GAP43: variants seen among roughly 807,000 people sequenced by gnomAD.
The protein encoded by GAP43 is neuromodulin.
A neutral mutation model predicts 18.6 loss-of-function variants in GAP43; 6 were observed. That is an observed-to-expected ratio of 0.32 (90% confidence interval 0.18 to 0.64). GAP43 has a LOEUF of 0.64. Among genes scored for constraint, GAP43 ranks in the 30% least tolerant of loss-of-function variants. The probability of loss-of-function intolerance (pLI) is 0.78; values close to 1 mark genes in which losing one functional copy is unlikely to be tolerated. For missense variants in GAP43, 292 were observed against 295.5 expected, an observed-to-expected ratio of 0.99 and a Z score of 0.09; for synonymous variants, 115 against 111.4, an observed-to-expected ratio of 1.03 and a Z score of -0.20.
intron 1 of GAP43, among the ~76,000 whole-genome samples, chr3:115,636,232 A>G (rs1198421999): frequency 6.6e-6 from 1 of 151,898 alleles, no homozygotes; most frequent in Non-Finnish European, 1.5e-5. Flanking sequence ...TAGACTTTCT[A>G]CTCCCCTACT....
intron 2 of GAP43, among the ~76,000 whole-genome samples, chr3:115,719,225 G>C (rs565056741): frequency 6.6e-6 from 1 of 151,878 alleles, no homozygotes; most frequent in Admixed American, 6.6e-5. Flanking sequence ...AATAACAATA[G>C]CTCCATTTTA....
chr3:115,703,918 TA>T (rs1248834268), intron 2 of GAP43, among the ~76,000 whole-genome samples: 6 of 152,010 alleles, frequency 3.9e-5, no homozygotes, highest in African/African-American at 1.4e-4. Flanking sequence ...GACTGAAAAA[TA>T]AAAAATCAGT....
chr3:115,659,593 A>G (rs1708630787), intron 1 of GAP43, among the ~76,000 whole-genome samples: 1 of 151,644 alleles, frequency 6.6e-6, no homozygotes, highest in African/African-American at 2.4e-5. Context: ...ACATGAAAGG[A>G]GAGCGAAAAA....
chr3:115,633,134 CA>C (rs1486012723), intron 1 of GAP43, among the ~76,000 whole-genome samples: 1 of 151,636 alleles, frequency 6.6e-6, no homozygotes, highest in Non-Finnish European at 1.5e-5. Flanking sequence ...GGCCCTGCAT[CA>C]AAAAAGACTC....
At chr3:115,688,029 A>ATTTT (rs1439287488) in intron 2 of GAP43, among the ~76,000 whole-genome samples, 1 of 151,628 alleles carries the variant, frequency 6.6e-6, no homozygotes, top group Non-Finnish European at 1.5e-5. Context: ...TTATTTATTT[A>ATTTT]TGTTTGAGAT....
intron 1 of GAP43, among the ~76,000 whole-genome samples, chr3:115,634,673 T>C (rs1389823517): frequency 3.3e-5 from 5 of 151,898 alleles, no homozygotes; most frequent in African/African-American, 1.2e-4. Flanking sequence ...TGAAGGCTGA[T>C]GAGGAAGGAT....
intron 1 of GAP43, among the ~76,000 whole-genome samples, chr3:115,671,978 A>G (rs1370369019): frequency 6.6e-6 from 1 of 152,242 alleles, no homozygotes; most frequent in Non-Finnish European, 1.5e-5. Flanking sequence ...GGGTAGACAC[A>G]GTATCCTTCC....
chr3:115,677,372 T>A (rs1349933025), intron 2 of GAP43, among the ~76,000 whole-genome samples: 1 of 152,234 alleles, frequency 6.6e-6, no homozygotes, highest in East Asian at 1.9e-4. Flanking sequence ...TGAGGGTTCC[T>A]ATGATTACAA....
intron 2 of GAP43, among the ~76,000 whole-genome samples, chr3:115,698,149 T>A (rs71616168): frequency 0.49 from 6,329 of 12,964 alleles, 989 homozygotes; most frequent in Non-Finnish European, 0.57. Flanking sequence ...TAATATATAT[T>A]ATATATAATA....
intron 1 of GAP43, among the ~76,000 whole-genome samples, chr3:115,652,982 G>C (rs1306314616): frequency 6.6e-6 from 1 of 152,140 alleles, no homozygotes; most frequent in African/African-American, 2.4e-5. Context: ...GAAGTTACCA[G>C]CCAAAGAAAT....
At chr3:115,668,066 G>A (rs1708755791) in intron 1 of GAP43, among the ~76,000 whole-genome samples, 1 of 152,204 alleles carries the variant, frequency 6.6e-6, no homozygotes, top group Non-Finnish European at 1.5e-5. Flanking sequence ...GAGTAGAGAT[G>A]CTTCCTCCCA....
At chr3:115,654,170 T>G (rs1211822317) in intron 1 of GAP43, among the ~76,000 whole-genome samples, 1 of 152,180 alleles carries the variant, frequency 6.6e-6, no homozygotes, top group African/African-American at 2.4e-5. Flanking sequence ...TCACTTTAAT[T>G]TATCAGTTGG....
chr3:115,704,498 A>G lies in GAP43; in HGVS notation c.629-16296A>G, dbSNP rs147526524. 3.2e-4 allele frequency among the ~76,000 whole-genome samples: 48 copies of G among 152,222 alleles called. No homozygotes were observed. The East Asian group carries it at 8.9e-3, about 28-fold the overall frequency. On this transcript the variant is annotated intron_variant, in intron 2 of 2. Transcript: ENST00000305124. Reference sequence around the variant, plus strand: ...CCACTTCACCTCCCGCAATTTGAACATAACATGTTAGAATTTGATAAAACA... The same window carrying G: ...CCACTTCACCTCCCGCAATTTGAACGTAACATGTTAGAATTTGATAAAACA...
At chr3:115,670,937 C>A (rs1215755707) in intron 1 of GAP43, among the ~76,000 whole-genome samples, 2 of 152,150 alleles carry the variant, frequency 1.3e-5, no homozygotes, top group African/African-American at 4.8e-5. Flanking sequence ...AATATGTGTA[C>A]ATCAATGATT....
intron 1 of GAP43, among the ~76,000 whole-genome samples, chr3:115,649,205 G>T (rs2107474237): frequency 6.6e-6 from 1 of 152,242 alleles, no homozygotes; most frequent in East Asian, 1.9e-4. Context: ...CTCCAAGATG[G>T]TGCTTTACTG....
chr3:115,720,729 G>A (rs1709566065), intron 2 of GAP43, 65 bp from the exon 3 acceptor site: 3 of 1,018,474 alleles, frequency 2.9e-6, no homozygotes, highest in Non-Finnish European at 4.6e-6. Flanking sequence ...ACTGTTGTAT[G>A]AGCAGATAAG....
Position 115,721,389 on chromosome 3 carries a change from AT to A in GAP43, c.*508del, listed in dbSNP as rs1430600229. ...TCAAAAAACCCAGTTTGTTTTAAAAATAAATAAATAAAGCAAATGTGCCAAT... is the reference window on the plus strand; with the variant it reads ...TCAAAAAACCCAGTTTGTTTTAAAAAAAATAAATAAAGCAAATGTGCCAAT... On this transcript the variant is annotated 3_prime_UTR_variant, in exon 3 of 3. Coordinates refer to ENST00000305124, the MANE Select transcript of GAP43 (RefSeq NM_002045.4). The A allele has an allele frequency of 6.6e-6, 1 of 152,254 alleles. No homozygotes were observed. Among genetic ancestry groups the A allele is most frequent in the African/African-American group, 2.4e-5 (1 of 41,454 alleles). 9.4% of individuals were successfully genotyped at this position (152,254 alleles called of 1,614,324 possible). A position where few individuals can be genotyped will look rare whatever the true frequency, so the allele number is the denominator to read the frequency against.
rs1192249375 is a variant in GAP43 at position 115,679,770 on chromosome 3, AG to A, written c.628+3162del. Among the ~76,000 whole-genome samples the A allele has an allele frequency of 2.0e-5, 3 of 152,326 alleles. No individual in the cohort carries two copies. In the East Asian group the frequency reaches 5.8e-4, roughly 29 times the overall value. On this transcript the variant is annotated intron_variant, in intron 2 of 2. Coordinates refer to ENST00000305124, the MANE Select transcript of GAP43 (RefSeq NM_002045.4). Reference sequence around the variant, plus strand: ...CATATTCAGTGATGTGGTACAACCAAGGTAACCTATCCAGAGGGCTATCAAT... The same window carrying A: ...CATATTCAGTGATGTGGTACAACCAAGTAACCTATCCAGAGGGCTATCAAT...
In GAP43 at chr3:115,676,493, CCTGCTGCTGTCA is replaced by C. The variant is rs1405991696; in HGVS notation, c.521_532del (p.Val174_Ala177del). 6.2e-7 allele frequency: 1 copy of C among 1,614,056 alleles called. No individual in the cohort carries two copies. Among genetic ancestry groups the C allele is most frequent in the Non-Finnish European group, 8.5e-7 (1 of 1,180,028 alleles). On this transcript the variant is annotated inframe_deletion, in exon 2 of 3. Transcript: ENST00000305124. ...GGAGGAGCCTAAACAAGCCGATGTGCCTGCTGCTGTCACTGCTGCTGCTGCCACCACCCCTGC... is the reference window on the plus strand; with the variant it reads ...GGAGGAGCCTAAACAAGCCGATGTGCCTGCTGCTGCTGCCACCACCCCTGC...
Sources: gnomAD v4.1 joint callset for allele counts (sites outside exome capture counted in the v4.1 genomes callset) on GRCh38, gnomAD v4.1.1 for gene constraint, MANE v1.5 for transcripts, NCBI Gene and HGNC (gene_info 2026-07-23, HGNC 2026-07-21) for gene names.